KCNT1: variants seen among roughly 807,000 people sequenced by gnomAD.
KCNT1 encodes the protein potassium sodium-activated channel subfamily T member 1.
Under a neutral mutation model 147.8 loss-of-function variants are expected in KCNT1, and 78 were observed. That is an observed-to-expected ratio of 0.53 (90% CI 0.44 to 0.64). KCNT1 has a LOEUF of 0.64. KCNT1 is among the 30% of genes least tolerant of loss of function. The pLI is 0.00. For missense variants in KCNT1, 1,419 were observed against 1,750.3 expected (o/e 0.81, Z 3.38); for synonymous variants, 867 against 748.8 (o/e 1.16, Z -2.58).
chr9:135,786,435 G>C lies in KCNT1; in HGVS notation c.3416G>C (p.Ser1139Thr). Residue 1139 changes from serine (S) to threonine (T), a missense_variant, in exon 29 of 31, where the codon AGC (serine) becomes ACC (threonine). Physicochemically the swap from Ser to Thr is moderately conservative, Grantham distance 58. This residue lies in a region of KCNT1 where 306 missense variants were observed against 294.2 expected (regional missense o/e 1.04). Coordinates refer to ENST00000371757, the MANE Select transcript of KCNT1 (RefSeq NM_020822.3). The part of the protein sequence containing the change: ...AAEWISQQRL[S>T]LYRRSERQEL... ...GAGTGGATCAGCCAGCAGCGCCTCA[G>C]CCTGTACCGGCGCTCTGAGCGCCAG... is the stretch of plus-strand genomic sequence containing the variant. 1.3e-6 allele frequency: 2 copies of C among 1,595,156 alleles called. No individual in the cohort carries two copies. Among genetic ancestry groups the C allele is most frequent in the Non-Finnish European group, 1.7e-6 (2 of 1,172,016 alleles).
intron 2 of KCNT1, among the ~76,000 whole-genome samples, chr9:135,741,698 A>G (rs13301638): frequency 0.14 from 21,023 of 152,214 alleles, 1,628 homozygotes; most frequent in South Asian, 0.17. Flanking sequence ...CCACCCGGAG[A>G]GCCTGGCGTA....
intron 24 of KCNT1, among the ~76,000 whole-genome samples, chr9:135,779,868 C>CTGT (rs1157887203): frequency 6.6e-6 from 1 of 152,254 alleles, no homozygotes; most frequent in Admixed American, 6.5e-5. Flanking sequence ...ACAGATAACG[C>CTGT]ACACGGCTGC....
intron 2 of KCNT1, among the ~76,000 whole-genome samples, chr9:135,738,648 A>G (rs1309302765): frequency 6.6e-6 from 1 of 152,120 alleles, no homozygotes. Flanking sequence ...AGAGGTCTCC[A>G]CTGCCCACCA....
chr9:135,759,384 C>T (rs1831745554), intron 10 of KCNT1, among the ~76,000 whole-genome samples: 1 of 150,086 alleles, frequency 6.7e-6, no homozygotes, highest in South Asian at 2.1e-4. Context: ...AGGAGAGAGC[C>T]ACCCGGCAGG....
chr9:135,742,893 G>A (rs184385611), intron 2 of KCNT1: 1 of 705,912 alleles, frequency 1.4e-6, no homozygotes, highest in East Asian at 2.7e-5. Flanking sequence ...TTTCTGGGGG[G>A]TCCCCTCAAC....
chr9:135,786,170 C>CGCCCA, intron 28 of KCNT1, 27 bp from the exon 29 acceptor site: 1 of 1,548,126 alleles, frequency 6.5e-7, no homozygotes, highest in Non-Finnish European at 8.8e-7. Flanking sequence ...CACCCCTCCC[C>CGCCCA]GCCCTGCCCT....
chr9:135,722,125 G>A (rs574389820), intron 2 of KCNT1, among the ~76,000 whole-genome samples: 1 of 152,140 alleles, frequency 6.6e-6, no homozygotes, highest in Admixed American at 6.5e-5. Flanking sequence ...GGGCATGGAG[G>A]AGGGTCCGTG....
intron 2 of KCNT1, among the ~76,000 whole-genome samples, chr9:135,733,027 G>A (rs922655726): frequency 5.3e-5 from 8 of 151,878 alleles, no homozygotes; most frequent in Non-Finnish European, 1.2e-4. Context: ...AGCAGTGTGG[G>A]GAGCAGCACC....
rs762253079 is a variant in KCNT1 at position 135,784,793 on chromosome 9, C to T, written c.3060C>T (p.Arg1020=). The T allele has an allele frequency of 9.9e-6, 16 of 1,612,706 alleles. No individual in the cohort carries two copies. In the South Asian group the frequency reaches 1.2e-4, roughly 12 times the overall value. The change falls in exon 27 of 31, where the codon CGC becomes CGT. Residue 1020 remains arginine, a synonymous_variant. Coordinates refer to ENST00000371757, the MANE Select transcript of KCNT1 (RefSeq NM_020822.3). ...MKITEGDLWI[R]TYGRLFQKLC... is the part of the protein sequence containing the mutation. The stretch of plus-strand genomic sequence containing the variant: ...TCACCGAGGGCGACCTGTGGATCCG[C>T]ACGTACGGCCGCCTCTTCCAGAAGC...
rs892525044 is a variant in KCNT1 at position 135,793,392 on chromosome 9, T to A, written c.*1231T>A. 2 of 152,212 alleles carry A rather than the reference T, an allele frequency of 1.3e-5. No homozygotes were observed. Among genetic ancestry groups the A allele is most frequent in the Non-Finnish European group, 2.9e-5 (2 of 68,048 alleles). The allele number at this position is 152,212 out of a possible 1,614,324, so 9.4% of individuals were successfully genotyped here. A position where few individuals can be genotyped will look rare whatever the true frequency, so the allele number is the denominator to read the frequency against. On this transcript the variant is annotated 3_prime_UTR_variant, in exon 31 of 31. Coordinates refer to ENST00000371757, the MANE Select transcript of KCNT1 (RefSeq NM_020822.3). ...GGTCCCAGAGTCCAGGAGGGCTGTC[T>A]GGTGAGCTGCCCATCAGCCTCACCC...
chr9:135,784,659 C>T (rs531877783), intron 26 of KCNT1, 41 bp downstream of exon 26: 2 of 1,610,640 alleles, frequency 1.2e-6, no homozygotes, highest in South Asian at 1.1e-5. Flanking sequence ...GCGTGCTGGG[C>T]TGTCCAAGTG....
At chr9:135,731,960 G>GTATATATATA (rs776201547) in intron 2 of KCNT1, among the ~76,000 whole-genome samples, 663 of 41,022 alleles carry the variant, frequency 0.016, 36 homozygotes, top group Non-Finnish European at 0.023. Context: ...AAATATGCGT[G>GTATATATATA]TATATATATA....
At chr9:135,778,211 T>C (rs977729984) in intron 21 of KCNT1, among the ~76,000 whole-genome samples, 3 of 152,184 alleles carry the variant, frequency 2.0e-5, no homozygotes, top group Non-Finnish European at 4.4e-5. Context: ...CTGTGTGACC[T>C]CAGCAGGTCC....
intron 2 of KCNT1, among the ~76,000 whole-genome samples, chr9:135,729,524 G>C (rs558760696): frequency 1.3e-5 from 2 of 152,374 alleles, no homozygotes; most frequent in African/African-American, 4.8e-5. Context: ...AAGCTCAGCT[G>C]TGCGCAGACT....
At chr9:135,781,471 T>C (rs2182805) in intron 24 of KCNT1, among the ~76,000 whole-genome samples, 21,631 of 152,242 alleles carry the variant, frequency 0.14, 1,704 homozygotes, top group South Asian at 0.19. Flanking sequence ...CTGGGTGGCC[T>C]TGGCCCCAGA....
intron 1 of KCNT1, among the ~76,000 whole-genome samples, chr9:135,704,450 G>A (rs1835166795): frequency 6.6e-6 from 1 of 152,146 alleles, no homozygotes; most frequent in Non-Finnish European, 1.5e-5. Context: ...AGTTTGCAGG[G>A]GTCTTCACGG....
chr9:135,773,215 G>A (rs555241854), intron 19 of KCNT1, among the ~76,000 whole-genome samples: 3 of 152,186 alleles, frequency 2.0e-5, no homozygotes, highest in East Asian at 3.9e-4. Flanking sequence ...TGGGGCTGGG[G>A]GTGCAGAGCT....
chr9:135,791,979 G>C, intron 30 of KCNT1, 62 bp from the exon 31 acceptor site: 1 of 1,606,884 alleles, frequency 6.2e-7, no homozygotes, highest in Non-Finnish European at 8.5e-7. Context: ...CCGCTCAGCA[G>C]AGGGCTGAGC....
intron 1 of KCNT1, among the ~76,000 whole-genome samples, chr9:135,705,493 G>A (rs920766781): frequency 6.6e-6 from 1 of 152,262 alleles, no homozygotes; most frequent in Non-Finnish European, 1.5e-5. Flanking sequence ...GGAGGAGGAT[G>A]TGTGGGGCCC....
Sources: allele counts gnomAD v4.1 joint callset (sites outside exome capture counted in the v4.1 genomes callset), GRCh38; gene constraint gnomAD v4.1.1; regional missense constraint gnomAD v4.1.1; transcripts MANE v1.5; gene names NCBI Gene and HGNC (gene_info 2026-07-23, HGNC 2026-07-21).